MAGI2: variants seen among roughly 807,000 people sequenced by gnomAD.
The protein encoded by MAGI2 is membrane-associated guanylate kinase, WW and PDZ domain-containing protein 2.
MAGI2 carries 35 observed loss-of-function variants against 133.3 expected under a neutral mutation model. The observed-to-expected ratio is 0.26, with a 90% CI of 0.20 to 0.35. MAGI2 has a LOEUF of 0.35. Among genes scored for constraint, MAGI2 ranks in the 10% least tolerant of loss-of-function variants. MAGI2 has a pLI of 1.00. For missense variants in MAGI2, 1,636 were observed against 1,863.4 expected, an observed-to-expected ratio of 0.88 and a Z score of 2.25; for synonymous variants, 729 against 710.6, an observed-to-expected ratio of 1.03 and a Z score of -0.41.
rs191954906 is a variant in MAGI2, at chr7:78,666,284, G to T, written c.419-39045C>A. 5.3e-5 allele frequency among the ~76,000 whole-genome samples: 8 copies of T among 152,082 alleles called. No homozygotes were observed. The East Asian group carries it at 1.2e-3, about 22-fold the overall frequency. ...GCAAATATGGGGTAGGAAAAATAAA[G>T]AATTCAAAAAGACAGAAACAAATAT... On this transcript the variant is annotated intron_variant, in intron 2 of 21. Coordinates refer to ENST00000354212, the MANE Select transcript of MAGI2 (RefSeq NM_012301.4).
chr7:79,167,605 A>G (rs1249066334), intron 1 of MAGI2, among the ~76,000 whole-genome samples: 2 of 152,056 alleles, frequency 1.3e-5, no homozygotes, highest in Non-Finnish European at 2.9e-5. Flanking sequence ...TGGTGAAATA[A>G]GTACCCTCAC....
At chr7:78,739,510 G>A (rs928841398) in intron 2 of MAGI2, among the ~76,000 whole-genome samples, 1 of 152,148 alleles carries the variant, frequency 6.6e-6, no homozygotes, top group African/African-American at 2.4e-5. Flanking sequence ...AAACCAGATA[G>A]ATCAACAGAG....
At chr7:78,977,104 T>C (rs916672416) in intron 2 of MAGI2, among the ~76,000 whole-genome samples, 3 of 151,628 alleles carry the variant, frequency 2.0e-5, no homozygotes, top group South Asian at 2.1e-4. Context: ...TAAAATTTAT[T>C]TGGAAAGGCA....
intron 9 of MAGI2, among the ~76,000 whole-genome samples, chr7:78,262,416 A>G (rs1793601437): frequency 6.6e-6 from 1 of 152,138 alleles, no homozygotes. Flanking sequence ...GCAAAACACT[A>G]GATATTGCCT....
intron 2 of MAGI2, among the ~76,000 whole-genome samples, chr7:78,786,679 T>A (rs2151356874): frequency 6.6e-6 from 1 of 152,280 alleles, no homozygotes; most frequent in African/African-American, 2.4e-5. Context: ...CTTTACCTTC[T>A]CCCTCCTCTC....
intron 12 of MAGI2, among the ~76,000 whole-genome samples, chr7:78,192,229 C>G (rs900286866): frequency 2.0e-5 from 3 of 151,592 alleles, no homozygotes; most frequent in Non-Finnish European, 4.4e-5. Context: ...ACTGATTTTT[C>G]CCCCCCCAGG....
chr7:78,391,146 TCTCTC>T (rs1441139255), intron 6 of MAGI2, among the ~76,000 whole-genome samples: 2 of 152,184 alleles, frequency 1.3e-5, no homozygotes, highest in African/African-American at 4.8e-5. Flanking sequence ...ACTCTGAAAT[TCTCTC>T]CACATCGCTC....
intron 2 of MAGI2, among the ~76,000 whole-genome samples, chr7:78,832,630 A>G (rs1016698192): frequency 6.6e-6 from 1 of 152,176 alleles, no homozygotes; most frequent in African/African-American, 2.4e-5. Context: ...GGACCTGCAT[A>G]ATCTCATGAT....
At chr7:79,378,415 C>T (rs1843524549) in intron 1 of MAGI2, among the ~76,000 whole-genome samples, 1 of 151,476 alleles carries the variant, frequency 6.6e-6, no homozygotes, top group Admixed American at 6.6e-5. Flanking sequence ...GGACAGATGG[C>T]TTGACCAAAG....
chr7:78,898,375 T>G (rs1249861231), intron 2 of MAGI2, among the ~76,000 whole-genome samples: 4 of 152,196 alleles, frequency 2.6e-5, no homozygotes, highest in Non-Finnish European at 5.9e-5. Context: ...GCATCACCAC[T>G]CACATTAGTA....
intron 3 of MAGI2, among the ~76,000 whole-genome samples, chr7:78,560,299 T>A (rs565487898): frequency 6.6e-6 from 1 of 152,308 alleles, no homozygotes; most frequent in East Asian, 1.9e-4. Flanking sequence ...TGCACAGATG[T>A]CCAACTGACA....
At chr7:79,083,795 C>T (rs1371300348) in intron 1 of MAGI2, among the ~76,000 whole-genome samples, 2 of 151,532 alleles carry the variant, frequency 1.3e-5, no homozygotes, top group East Asian at 1.9e-4. Flanking sequence ...AACATCTGGG[C>T]CTGCAATTCT....
At chr7:79,031,931 T>A (rs550243643) in intron 1 of MAGI2, among the ~76,000 whole-genome samples, 26 of 152,260 alleles carry the variant, frequency 1.7e-4, no homozygotes, top group African/African-American at 6.0e-4. Context: ...TCCTTACTAT[T>A]TTCAGTATAT....
chr7:79,169,244 G>C lies in MAGI2; in HGVS notation c.302-162038C>G, dbSNP rs148348105. On this transcript the variant is annotated intron_variant, in intron 1 of 21. Transcript: ENST00000354212. ...GCTGGACCGTTTTCAGTTACGGTTG[G>C]TACTCATTAAATATCTTGAGAAAGG... Among the ~76,000 whole-genome samples, 22 of 152,008 alleles carry C rather than the reference G, an allele frequency of 1.4e-4. No homozygotes were observed. In the East Asian group the frequency reaches 4.1e-3, roughly 28 times the overall value.
chr7:78,585,963 C>A (rs1051284695), intron 3 of MAGI2, among the ~76,000 whole-genome samples: 1 of 152,128 alleles, frequency 6.6e-6, no homozygotes, highest in African/African-American at 2.4e-5. Context: ...GAGCTCAATT[C>A]GTGATAACAT....
intron 14 of MAGI2, among the ~76,000 whole-genome samples, chr7:78,175,130 C>A (rs539591914): frequency 1.1e-4 from 16 of 152,280 alleles, no homozygotes; most frequent in African/African-American, 3.6e-4. Flanking sequence ...AATTATTGGA[C>A]CTGAGGAAAG....
intron 4 of MAGI2, among the ~76,000 whole-genome samples, chr7:78,513,777 C>T (rs151032353): frequency 6.6e-6 from 1 of 152,154 alleles, no homozygotes; most frequent in Non-Finnish European, 1.5e-5. Flanking sequence ...TGAGTGCATG[C>T]AATGCTGAAT....
In MAGI2 at chr7:78,055,274, T is replaced by C. The variant is rs576824657; in HGVS notation, c.3706+23673A>G. Among the ~76,000 whole-genome samples the C allele has an allele frequency of 1.3e-5, 2 of 152,366 alleles. 1 individual carries two copies. The highest frequency in any genetic ancestry group is 1.3e-4 in the Admixed American group (2 of 15,304). Reference sequence around the variant, plus strand: ...GGCAAAAAGAAAGCCATGATCTTCATGTCACATTTTGCAATACTAAATAAC... The same window carrying C: ...GGCAAAAAGAAAGCCATGATCTTCACGTCACATTTTGCAATACTAAATAAC... On this transcript the variant is annotated intron_variant, in intron 21 of 21. Transcript: ENST00000354212.
At chr7:78,821,935 A>C (rs1790163407) in intron 2 of MAGI2, among the ~76,000 whole-genome samples, 1 of 152,058 alleles carries the variant, frequency 6.6e-6, no homozygotes, top group Admixed American at 6.5e-5. Flanking sequence ...AGTATTGAAC[A>C]GTTCAGATGG....
Sources: gnomAD v4.1 joint callset for allele counts (sites outside exome capture counted in the v4.1 genomes callset) on GRCh38, gnomAD v4.1.1 for gene constraint, MANE v1.5 for transcripts, NCBI Gene and HGNC (gene_info 2026-07-23, HGNC 2026-07-21) for gene names.